RFX1: variants seen among roughly 807,000 people sequenced by gnomAD.
The protein encoded by RFX1 is MHC class II regulatory factor RFX1.
In RFX1, 42 loss-of-function variants were observed where a neutral mutation model predicts 119.6. The ratio of observed to expected loss-of-function variants is 0.35; its 90% confidence interval spans 0.27 to 0.45. RFX1 has a LOEUF of 0.45. Ranked by LOEUF, RFX1 falls within the 20% of genes least tolerant of loss-of-function variation. The probability of loss-of-function intolerance (pLI) is 1.00; values close to 1 mark genes in which losing one functional copy is unlikely to be tolerated. For synonymous variants in RFX1, 628 were observed against 618.5 expected, an observed-to-expected ratio of 1.02 and a Z score of -0.23; for missense variants, 1,118 against 1,368.1, an observed-to-expected ratio of 0.82 and a Z score of 2.88.
chr19:13,991,644 G>A lies in RFX1; in HGVS notation c.319+1881C>T, dbSNP rs149716814. On this transcript the variant is annotated intron_variant, in intron 2 of 20. Transcript: ENST00000254325. ...AGCCCCATCTGCTTTGTTCCACAAC[G>A]GGGCCAATTGCTACACTTTTCATTA... Among the ~76,000 whole-genome samples the A allele has an allele frequency of 1.2e-4, 18 of 152,238 alleles. No homozygotes were observed. In the East Asian group the frequency reaches 3.1e-3, roughly 26 times the overall value.
At position 13,966,604 on chromosome 19, in the gene RFX1, C is replaced by T. The variant is rs770262646; in HGVS notation, c.1851+29G>A. On this transcript the variant is annotated intron_variant, in intron 13 of 20. Coordinates refer to ENST00000254325, the MANE Select transcript of RFX1 (RefSeq NM_002918.5). This position sits in a 1 kb window ranked among gnomAD's most constrained non-coding sequence, Gnocchi z 6.3. ...CCCATGCCCGTGGCTGCGTCCCCGT[C>T]CACTTGCCTGCCCACCTGGCCACCC... 20 of 1,557,706 alleles carry T rather than the reference C, an allele frequency of 1.3e-5. No individual in the cohort carries two copies. The highest frequency in any genetic ancestry group is 1.7e-5 in the Non-Finnish European group (19 of 1,143,800).
In RFX1 at chr19:13,969,078, G is replaced by C. The variant is rs8100309; in HGVS notation, c.1497-184C>G. ...CTGTGGGTGTCAGGAGAGATCCAGC[G>C]GTTTGCCCAAGATTATGCATAAATG... On this transcript the variant is annotated intron_variant, in intron 10 of 20. Coordinates refer to ENST00000254325, the MANE Select transcript of RFX1 (RefSeq NM_002918.5). The surrounding 1 kb of genome is among the most constrained non-coding windows in gnomAD (Gnocchi z 4.5). 3.3e-5 allele frequency among the ~76,000 whole-genome samples: 5 copies of C among 152,200 alleles called. No homozygotes were observed. Among genetic ancestry groups the C allele is most frequent in the African/African-American group, 1.2e-4 (5 of 41,428 alleles).
intron 7 of RFX1, 26 bp from the exon 8 acceptor site, chr19:13,978,112 G>T: frequency 6.4e-7 from 1 of 1,573,118 alleles, no homozygotes; most frequent in Non-Finnish European, 8.7e-7. Flanking sequence ...GGCACGTGGA[G>T]GGTCAGGGGT....
chr19:13,987,170 C>T (rs948867274), intron 2 of RFX1, among the ~76,000 whole-genome samples: 4 of 152,174 alleles, frequency 2.6e-5, no homozygotes, highest in South Asian at 2.1e-4. Context: ...CCCTGCAGGC[C>T]GGCTCGGTTT....
At chr19:14,003,306 C>T (rs915383876) in intron 1 of RFX1, among the ~76,000 whole-genome samples, 1 of 148,874 alleles carries the variant, frequency 6.7e-6, no homozygotes, top group East Asian at 1.9e-4. Flanking sequence ...ATTTTTCTTT[C>T]TAGTGACTCT....
chr19:13,963,966 G>A lies in RFX1; in HGVS notation c.2253C>T (p.Tyr751=), dbSNP rs1354276357. The change falls in exon 17 of 21, where the codon TAC becomes TAT. Residue 751 remains tyrosine, a synonymous_variant. Coordinates refer to ENST00000254325, the MANE Select transcript of RFX1 (RefSeq NM_002918.5). ...CCTGCGCCAGGTGGTTGAGCGACGT[G>A]TAGCGCCGCAGTGTCTGCGCGAAGG... ...AGAFAQTLRR[Y]TSLNHLAQAA... 16 of 1,541,340 alleles carry A rather than the reference G, an allele frequency of 1.0e-5. No homozygotes were observed. The highest frequency in any genetic ancestry group is 1.4e-5 in the Non-Finnish European group (16 of 1,147,332).
rs189244430 is a variant in RFX1, at chr19:13,970,187, G to A, written c.1315-12C>T. The A allele has an allele frequency of 4.2e-4, 669 of 1,587,866 alleles. 2 individuals are homozygous for A. The African/African-American group carries it at 8.1e-3, about 19-fold the overall frequency. On this transcript the variant is annotated splice_polypyrimidine_tract_variant and intron_variant, in intron 9 of 20. Coordinates refer to ENST00000254325, the MANE Select transcript of RFX1 (RefSeq NM_002918.5). ...AGGAGCCACTGGACCTGGGGTGGGAGGGAGATGGGAGAGCACCAGTCAGAG... is the reference window on the plus strand; with the variant it reads ...AGGAGCCACTGGACCTGGGGTGGGAAGGAGATGGGAGAGCACCAGTCAGAG...
In RFX1 at chr19:13,986,154, G is replaced by C. The variant is rs891080319; in HGVS notation, c.320-2559C>G. 6.6e-6 allele frequency among the ~76,000 whole-genome samples: 1 copy of C among 152,200 alleles called. No homozygotes were observed. The highest frequency in any genetic ancestry group is 6.5e-5 in the Admixed American group (1 of 15,290). On this transcript the variant is annotated intron_variant, in intron 2 of 20. Transcript: ENST00000254325. This position sits in a 1 kb window ranked among gnomAD's most constrained non-coding sequence, Gnocchi z 4.2. Reference sequence around the variant, plus strand: ...TGACCGGCACTGCACACCTGGGTCCGTGGGGTCCAAGGACTCAGGCCCAGC... The same window carrying C: ...TGACCGGCACTGCACACCTGGGTCCCTGGGGTCCAAGGACTCAGGCCCAGC...
rs146048336 is a variant in RFX1 at position 13,980,731 on chromosome 19, T to TGCATCCTCTCTGGGGTGGGTTC, written c.622-43_622-42insGAACCCACCCCAGAGAGGATGC. ...CACAGGAGTGCCGCTGGGGTGGGCT[T>TGCATCCTCTCTGGGGTGGGTTC]GCATCCTCTCTGAGGTGGGCTCACA... On this transcript the variant is annotated intron_variant, in intron 5 of 20. Transcript: ENST00000254325. The surrounding 1 kb of genome is among the most constrained non-coding windows in gnomAD (Gnocchi z 5.1). 4.2e-6 allele frequency: 5 copies of TGCATCCTCTCTGGGGTGGGTTC among 1,201,550 alleles called. No homozygotes were observed. Among genetic ancestry groups the TGCATCCTCTCTGGGGTGGGTTC allele is most frequent in the Non-Finnish European group, 5.9e-6 (5 of 842,372 alleles). The allele number at this position is 1,201,550 out of a possible 1,614,324, so 74.4% of individuals were successfully genotyped here. A position where few individuals can be genotyped will look rare whatever the true frequency, so the allele number is the denominator to read the frequency against.
intron 16 of RFX1, among the ~76,000 whole-genome samples, chr19:13,964,683 T>C (rs1973837211): frequency 6.6e-6 from 1 of 152,118 alleles, no homozygotes; most frequent in Admixed American, 6.6e-5. Flanking sequence ...GGTTTCACCA[T>C]GTTGGCCAGG....
chr19:13,978,597 G>C (rs1599491505), intron 7 of RFX1, among the ~76,000 whole-genome samples: 1 of 152,168 alleles, frequency 6.6e-6, no homozygotes, highest in Non-Finnish European at 1.5e-5. Flanking sequence ...GGACCTGGAC[G>C]GGGCTTGGGT....
At chr19:13,983,037 G>A in intron 4 of RFX1, 150 bp downstream of exon 4, 2 of 617,596 alleles carry the variant, frequency 3.2e-6, no homozygotes, top group African/African-American at 1.8e-5. Context: ...ACCCTGGGGA[G>A]GTGACTGCCC....
chr19:14,002,029 G>A (rs895416002), intron 1 of RFX1, among the ~76,000 whole-genome samples: 7 of 152,262 alleles, frequency 4.6e-5, no homozygotes, highest in Admixed American at 2.6e-4. Context: ...CCAGCTACTC[G>A]GGAGGCTGAG....
chr19:13,994,215 C>T (rs1048244736), intron 1 of RFX1, among the ~76,000 whole-genome samples: 1 of 152,086 alleles, frequency 6.6e-6, no homozygotes, highest in Non-Finnish European at 1.5e-5. Flanking sequence ...CCCCACACTG[C>T]GGGGGAACTT....
intron 1 of RFX1, among the ~76,000 whole-genome samples, chr19:13,996,046 A>G (rs1260160532): frequency 1.3e-5 from 2 of 151,926 alleles, no homozygotes; most frequent in African/African-American, 4.8e-5. Flanking sequence ...GAGCAAAACA[A>G]AACAAAAGGA....
chr19:13,970,884 TGA>T (rs1296594518), intron 9 of RFX1, among the ~76,000 whole-genome samples: 1 of 151,444 alleles, frequency 6.6e-6, no homozygotes, highest in African/African-American at 2.4e-5. Flanking sequence ...CTTGGGAGGC[TGA>T]GACAGGAGAA....
chr19:13,963,498 T>A (rs777093709), intron 18 of RFX1, 40 bp downstream of exon 18: 75 of 1,548,314 alleles, frequency 4.8e-5, no homozygotes, highest in Admixed American at 2.8e-4. Flanking sequence ...CGCGGGGCCT[T>A]CCCTGGTGCC....
chr19:13,983,417 C>G, intron 3 of RFX1, 69 bp downstream of exon 3: 1 of 1,322,526 alleles, frequency 7.6e-7, no homozygotes, highest in South Asian at 1.3e-5. Flanking sequence ...AGGTGAGGCC[C>G]CCGAGGACGC....
At chr19:13,982,764 A>T (rs1974467750) in intron 4 of RFX1, among the ~76,000 whole-genome samples, 1 of 152,218 alleles carries the variant, frequency 6.6e-6, no homozygotes, top group South Asian at 2.1e-4. Flanking sequence ...AGATCGAGCC[A>T]TTGTAAAACC....
Sources: allele counts gnomAD v4.1 joint callset (sites outside exome capture counted in the v4.1 genomes callset), GRCh38; gene constraint gnomAD v4.1.1; non-coding constraint Gnocchi (gnomAD v3.1); transcripts MANE v1.5; gene names NCBI Gene and HGNC (gene_info 2026-07-23, HGNC 2026-07-21).